FOSL1: variants seen among roughly 807,000 people sequenced by gnomAD.
The protein encoded by FOSL1 is FOS like 1, AP-1 transcription factor subunit.
A neutral mutation model predicts 24.9 loss-of-function variants in FOSL1; 14 were observed. That is an observed-to-expected ratio of 0.56 (90% CI 0.37 to 0.88). The LOEUF (loss-of-function observed/expected upper bound fraction) is 0.88, where lower values mean the gene tolerates loss of function less well. FOSL1 is among the 40% of genes least tolerant of loss of function. FOSL1 has a pLI of 0.00. For missense variants in FOSL1, 318 were observed against 359.8 expected (o/e 0.88, Z 0.94); for synonymous variants, 133 against 145.1 (o/e 0.92, Z 0.60).
chr11:65,898,045 G>GTTTTTTTT (rs71036252), intron 1 of FOSL1, among the ~76,000 whole-genome samples: 5 of 101,840 alleles, frequency 4.9e-5, no homozygotes, highest in Admixed American at 1.4e-4. Context: ...TTTCTTTTCT[G>GTTTTTTTT]TTTTTTTTTT....
Position 65,892,384 on chromosome 11 carries a change from G to A in FOSL1, c.*502C>T, listed in dbSNP as rs889915051. 1.5e-5 allele frequency: 5 copies of A among 322,662 alleles called. No homozygotes were observed. Among genetic ancestry groups the A allele is most frequent in the South Asian group, 4.8e-5 (2 of 42,090 alleles). The allele number at this position is 322,662 out of a possible 1,614,324, so 20.0% of individuals were successfully genotyped here. A position where few individuals can be genotyped will look rare whatever the true frequency, so the allele number is the denominator to read the frequency against. ...TCAGCTCATCACAGAAGCCAAGGGC[G>A]CCTCCTGAGCTGTGCGGTTCAGGAG... On this transcript the variant is annotated 3_prime_UTR_variant, in exon 4 of 4. Transcript: ENST00000312562.
chr11:65,892,823 G>A lies in FOSL1; in HGVS notation c.*63C>T, dbSNP rs1462312560. 5.2e-6 allele frequency: 8 copies of A among 1,529,304 alleles called. No homozygotes were observed. Among genetic ancestry groups the A allele is most frequent in the Admixed American group, 1.8e-5 (1 of 56,796 alleles). 94.7% of individuals were successfully genotyped at this position (1,529,304 alleles called of 1,614,324 possible). A position where few individuals can be genotyped will look rare whatever the true frequency, so the allele number is the denominator to read the frequency against. ...GGATACTGTCCAGGCCAGCTGGACC[G>A]GTGGGGGAAGGGGAGGAGACATTGG... On this transcript the variant is annotated 3_prime_UTR_variant, in exon 4 of 4. Coordinates refer to ENST00000312562, the MANE Select transcript of FOSL1 (RefSeq NM_005438.5).
At chr11:65,893,919 C>T in intron 3 of FOSL1, 95 bp downstream of exon 3, 1 of 818,286 alleles carries the variant, frequency 1.2e-6, no homozygotes, top group South Asian at 1.4e-5. Context: ...AGACAAGGAG[C>T]TAGGATGGTG....
intron 1 of FOSL1, among the ~76,000 whole-genome samples, 196 bp downstream of exon 1, chr11:65,900,045 G>C (rs1295780488): frequency 1.3e-5 from 2 of 152,230 alleles, no homozygotes; most frequent in Non-Finnish European, 2.9e-5. Flanking sequence ...TGGGAGAAGG[G>C]GAGTTCGCGG....
At position 65,900,385 on chromosome 11, in the gene FOSL1, A is replaced by G. The variant is rs1860646419; in HGVS notation, c.-46T>C. The G allele has an allele frequency of 3.8e-6, 4 of 1,053,652 alleles. No individual in the cohort carries two copies. The highest frequency in any genetic ancestry group is 4.9e-6 in the Non-Finnish European group (4 of 823,356). 65.3% of individuals were successfully genotyped at this position (1,053,652 alleles called of 1,614,324 possible). A position where few individuals can be genotyped will look rare whatever the true frequency, so the allele number is the denominator to read the frequency against. On this transcript the variant is annotated 5_prime_UTR_variant, in exon 1 of 4. Transcript: ENST00000312562. ...CGGGGTACACGGCTGCTGGGTTCTGACTCACCCGCGCCGTGCGGAGTCTTT... is the reference window on the plus strand; with the variant it reads ...CGGGGTACACGGCTGCTGGGTTCTGGCTCACCCGCGCCGTGCGGAGTCTTT...
At chr11:65,897,126 A>T in intron 1 of FOSL1, 120 bp from the exon 2 acceptor site, 1 of 755,568 alleles carries the variant, frequency 1.3e-6, no homozygotes, top group East Asian at 2.7e-5. Flanking sequence ...GAACAGAAAG[A>T]GCACAGCTTG....
At chr11:65,897,898 T>TTTTTTC (rs1860567834) in intron 1 of FOSL1, among the ~76,000 whole-genome samples, 1 of 150,800 alleles carries the variant, frequency 6.6e-6, no homozygotes, top group African/African-American at 2.4e-5. Context: ...TTTTTTTTTT[T>TTTTTTC]TTTTTCTTGA....
At chr11:65,897,156 G>A in intron 1 of FOSL1, 150 bp from the exon 2 acceptor site, 1 of 644,160 alleles carries the variant, frequency 1.6e-6, no homozygotes. Flanking sequence ...GACTGACCTG[G>A]TGGCAAATCC....
chr11:65,900,397 C>G (rs1860647205), upstream of FOSL1: 3 of 958,992 alleles, frequency 3.1e-6, no homozygotes, highest in Admixed American at 4.3e-5. Context: ...TCACCCGCGC[C>G]GTGCGGAGTC....
intron 1 of FOSL1, among the ~76,000 whole-genome samples, chr11:65,898,006 G>A (rs985565982): frequency 3.6e-5 from 5 of 139,824 alleles, no homozygotes; most frequent in Non-Finnish European, 6.1e-5. Flanking sequence ...GACTACCGAC[G>A]TGCACCACCA....
chr11:65,893,035 T>C lies in FOSL1; in HGVS notation c.667A>G (p.Thr223Ala), dbSNP rs745518234. The C allele has an allele frequency of 6.2e-7, 1 of 1,611,308 alleles. No homozygotes were observed. Among genetic ancestry groups the C allele is most frequent in the Admixed American group, 1.7e-5 (1 of 59,848 alleles). Residue 223 changes from threonine to alanine, a missense_variant, in exon 4 of 4, where the codon ACA becomes GCA. Transcript: ENST00000312562. ...GGGGTGAAAGGAGTTAGGGAGGGTG[T>C]GGTCATGAGTGTGGGGGTGTGCAGT... is the stretch of plus-strand genomic sequence containing the variant. ...EALHTPTLMT[T>A]PSLTPFTPSL...
chr11:65,896,819 G>A lies in FOSL1; in HGVS notation c.287C>T (p.Pro96Leu). Residue 96 changes from proline to leucine, a missense_variant, in exon 2 of 4, where the codon CCT becomes CTT. Physicochemically the swap from Pro to Leu is moderately conservative, Grantham distance 98 (BLOSUM62 -3). Transcript: ENST00000312562. ...GCCTCTGTGCCTTACCTGTTCACAA[G>A]GCCTTCGACGTACCCCTGGAGGCGG... ...LGPPPGVRRR[P>L]CEQISPEEEE... 6.2e-7 allele frequency: 1 copy of A among 1,606,252 alleles called. No individual in the cohort carries two copies. The highest frequency in any genetic ancestry group is 8.5e-7 in the Non-Finnish European group (1 of 1,175,212).
rs71036252 is a variant in FOSL1, at chr11:65,898,045, G to GTTTTTTTTTTTTTTTT, written c.100-1040_100-1039insAAAAAAAAAAAAAAAA. Reference sequence around the variant, plus strand: ...TTGGCTAATTTTTTTTTTCTTTTCTGTTTTTTTTTTTTTGAGACACAGTCT... The same window carrying GTTTTTTTTTTTTTTTT: ...TTGGCTAATTTTTTTTTTCTTTTCTGTTTTTTTTTTTTTTTTTTTTTTTTTTTTTGAGACACAGTCT... On this transcript the variant is annotated intron_variant, in intron 1 of 3. Coordinates refer to ENST00000312562, the MANE Select transcript of FOSL1 (RefSeq NM_005438.5). Among the ~76,000 whole-genome samples the GTTTTTTTTTTTTTTTT allele has an allele frequency of 4.9e-5, 5 of 101,838 alleles. 1 individual carries two copies. Among genetic ancestry groups the GTTTTTTTTTTTTTTTT allele is most frequent in the Non-Finnish European group, 7.1e-5 (4 of 56,480 alleles). The allele number at this position is 101,838 out of a possible 152,430, so 66.8% of individuals were successfully genotyped here.
intron 2 of FOSL1, 142 bp from the exon 3 acceptor site, chr11:65,894,263 A>G (rs1860469837): frequency 3.1e-6 from 2 of 637,786 alleles, no homozygotes; most frequent in Admixed American, 5.2e-5. Flanking sequence ...ACTGCACCCA[A>G]CCAGTTCCCT....
rs762124566 is a variant in FOSL1 at position 65,892,968 on chromosome 11, G to A, written c.734C>T (p.Ala245Val). Residue 245 changes from alanine to valine, a missense_variant, in exon 4 of 4, where the codon GCC (alanine) becomes GTC (valine). Physicochemically the swap from Ala to Val is moderately conservative, Grantham distance 64. Transcript: ENST00000312562. ...FTYPSTPEPC[A>V]SAHRKSSSSS... is the part of the protein sequence containing the mutation. ...GCTGCTACTCTTGCGATGAGCTGAG[G>A]CACAAGGCTCAGGAGTGCTGGGGTA... 1.2e-6 allele frequency: 2 copies of A among 1,612,768 alleles called. No homozygotes were observed.
chr11:65,894,527 A>G (rs988360318), intron 2 of FOSL1, among the ~76,000 whole-genome samples: 18 of 152,160 alleles, frequency 1.2e-4, no homozygotes, highest in African/African-American at 4.3e-4. Flanking sequence ...CTCTTCCATG[A>G]GCTGTAAGCA....
chr11:65,894,068 C>T lies in FOSL1; in HGVS notation c.351G>A (p.Leu117=), dbSNP rs1396707582. 1.9e-6 allele frequency: 3 copies of T among 1,611,320 alleles called. No individual in the cohort carries two copies. Among genetic ancestry groups the T allele is most frequent in the Non-Finnish European group, 2.5e-6 (3 of 1,179,640 alleles). The part of the protein sequence containing the change: ...RRRVRRERNK[L]AAAKCRNRRK... ...TCCGGTTCCTGCACTTGGCCGCAGC[C>T]AGCTTGTTCCGCTCGCGCCTTACTC... is the stretch of plus-strand genomic sequence containing the variant. The change falls in exon 3 of 4, where the codon CTG becomes CTA. Residue 117 remains leucine, a synonymous_variant. Coordinates refer to ENST00000312562, the MANE Select transcript of FOSL1 (RefSeq NM_005438.5).
intron 2 of FOSL1, among the ~76,000 whole-genome samples, chr11:65,895,762 G>A (rs1289286323): frequency 6.6e-6 from 1 of 152,172 alleles, no homozygotes; most frequent in Non-Finnish European, 1.5e-5. Context: ...GTCTCTGGCT[G>A]ATCTCTCACC....
At chr11:65,898,358 A>AT (rs960527077) in intron 1 of FOSL1, among the ~76,000 whole-genome samples, 1 of 151,134 alleles carries the variant, frequency 6.6e-6, no homozygotes, top group Non-Finnish European at 1.5e-5. Flanking sequence ...TTTTTTTTAA[A>AT]TTTTTTTGTA....
Sources: allele counts gnomAD v4.1 joint callset (sites outside exome capture counted in the v4.1 genomes callset), GRCh38; gene constraint gnomAD v4.1.1; transcripts MANE v1.5; gene names NCBI Gene and HGNC (gene_info 2026-07-23, HGNC 2026-07-21).